LRFN5: variants seen among roughly 807,000 people sequenced by gnomAD.
LRFN5 encodes leucine rich repeat and fibronectin type III domain containing 5, also known as leucine-rich repeat and fibronectin type-III domain-containing protein 5.
In LRFN5, 24 loss-of-function variants were observed where a neutral mutation model predicts 45.6. The observed-to-expected ratio is 0.53, with a 90% CI of 0.38 to 0.74. The LOEUF is 0.74. Among genes scored for constraint, LRFN5 ranks in the 30% least tolerant of loss-of-function variants. The pLI is 0.00. For synonymous variants in LRFN5, 340 were observed against 313.8 expected, an observed-to-expected ratio of 1.08 and a Z score of -0.88; for missense variants, 776 against 861.5, an observed-to-expected ratio of 0.90 and a Z score of 1.24.
chr14:41,656,044 A>G (rs1880364192), intron 1 of LRFN5, among the ~76,000 whole-genome samples: 1 of 151,960 alleles, frequency 6.6e-6, no homozygotes, highest in Non-Finnish European at 1.5e-5. Context: ...ACTTAATGCC[A>G]TTTCCTTTCA....
chr14:41,681,797 T>TTAC (rs1881899758), intron 1 of LRFN5, among the ~76,000 whole-genome samples: 2 of 79,436 alleles, frequency 2.5e-5, no homozygotes, highest in South Asian at 1.2e-3. Flanking sequence ...TTTATTTTAT[T>TTAC]TTATTTATTT....
intron 2 of LRFN5, among the ~76,000 whole-genome samples, chr14:41,801,876 TG>T (rs1212497781): frequency 6.6e-6 from 1 of 151,964 alleles, no homozygotes; most frequent in Non-Finnish European, 1.5e-5. Context: ...ACATCCCAAG[TG>T]GGTCTTAAGG....
chr14:41,801,006 G>A (rs1293459083), intron 2 of LRFN5, among the ~76,000 whole-genome samples: 1 of 151,820 alleles, frequency 6.6e-6, no homozygotes, highest in East Asian at 1.9e-4. Context: ...CAAAATTAAT[G>A]GGACACTCTT....
chr14:41,789,014 A>G (rs1171976366), intron 2 of LRFN5, among the ~76,000 whole-genome samples: 1 of 151,954 alleles, frequency 6.6e-6, no homozygotes, highest in Non-Finnish European at 1.5e-5. Flanking sequence ...AAAAATACCT[A>G]ATTTCCTACT....
At chr14:41,850,208 G>A (rs972737220) in intron 2 of LRFN5, among the ~76,000 whole-genome samples, 1 of 151,838 alleles carries the variant, frequency 6.6e-6, no homozygotes, top group Non-Finnish European at 1.5e-5. Context: ...GTAACAAGTA[G>A]AATACACATA....
chr14:41,834,902 A>G (rs1326421750), intron 2 of LRFN5, among the ~76,000 whole-genome samples: 2 of 151,944 alleles, frequency 1.3e-5, no homozygotes, highest in African/African-American at 2.4e-5. Context: ...CGCTCAAGCA[A>G]TCCACCTACC....
At chr14:41,785,221 C>A (rs1487012881) in intron 2 of LRFN5, among the ~76,000 whole-genome samples, 1 of 151,980 alleles carries the variant, frequency 6.6e-6, no homozygotes, top group Non-Finnish European at 1.5e-5. Flanking sequence ...TTGATAATTT[C>A]TGCCTTTTAA....
intron 2 of LRFN5, among the ~76,000 whole-genome samples, chr14:41,781,487 TTAAG>T (rs1193121253): frequency 8.1e-6 from 1 of 123,296 alleles, no homozygotes; most frequent in African/African-American, 3.2e-5. Flanking sequence ...TCAAATAAAA[TTAAG>T]AAGGAAGGAA....
chr14:41,687,434 C>A (rs576073011), intron 1 of LRFN5, among the ~76,000 whole-genome samples: 2 of 152,192 alleles, frequency 1.3e-5, no homozygotes, highest in African/African-American at 2.4e-5. Context: ...TAATGCGATT[C>A]CTCAAGGATC....
chr14:41,875,080 C>A (rs1890143551), intron 2 of LRFN5, among the ~76,000 whole-genome samples: 1 of 152,180 alleles, frequency 6.6e-6, no homozygotes, highest in Non-Finnish European at 1.5e-5. Flanking sequence ...GAAAGTCAAA[C>A]AATATCAACA....
chr14:41,852,478 C>T (rs1201072017), intron 2 of LRFN5, among the ~76,000 whole-genome samples: 3 of 151,932 alleles, frequency 2.0e-5, no homozygotes, highest in East Asian at 3.9e-4. Flanking sequence ...TTTCCTTGAT[C>T]TAAAGAACAT....
At chr14:41,683,363 T>C (rs1881986763) in intron 1 of LRFN5, among the ~76,000 whole-genome samples, 1 of 152,156 alleles carries the variant, frequency 6.6e-6, no homozygotes, top group Non-Finnish European at 1.5e-5. Context: ...GCTAGTATCA[T>C]ACTGAGTGGG....
At chr14:41,658,810 T>C (rs1880495218) in intron 1 of LRFN5, among the ~76,000 whole-genome samples, 1 of 152,062 alleles carries the variant, frequency 6.6e-6, no homozygotes, top group South Asian at 2.1e-4. Context: ...GGTCAATATA[T>C]TTTAATATGT....
intron 2 of LRFN5, among the ~76,000 whole-genome samples, chr14:41,878,925 A>G (rs986186297): frequency 1.3e-5 from 2 of 152,136 alleles, no homozygotes; most frequent in Admixed American, 6.5e-5. Context: ...AATGAAAACT[A>G]TGCTTCTTTA....
chr14:41,758,960 G>A (rs754798524), intron 1 of LRFN5, among the ~76,000 whole-genome samples: 118 of 152,214 alleles, frequency 7.8e-4, no homozygotes, highest in Non-Finnish European at 1.3e-3. Context: ...AGTTAAAAAT[G>A]TAATTTGTTG....
intron 5 of LRFN5, among the ~76,000 whole-genome samples, chr14:41,900,420 G>T (rs940438934): frequency 2.0e-5 from 3 of 151,872 alleles, no homozygotes; most frequent in Non-Finnish European, 4.4e-5. Flanking sequence ...TGTACTAAGA[G>T]ATATAGCACA....
chr14:41,826,846 T>G (rs1368781470), intron 2 of LRFN5, among the ~76,000 whole-genome samples: 1 of 59,446 alleles, frequency 1.7e-5, no homozygotes, highest in Non-Finnish European at 4.0e-5. Context: ...TAAATGTTGT[T>G]TTAATAAGTA....
intron 2 of LRFN5, among the ~76,000 whole-genome samples, chr14:41,877,530 A>T (rs949245628): frequency 6.6e-6 from 1 of 152,020 alleles, no homozygotes; most frequent in African/African-American, 2.4e-5. Context: ...ATTATTTTTA[A>T]AATTATTTGT....
At chr14:41,773,971 C>T (rs1311783061) in intron 2 of LRFN5, among the ~76,000 whole-genome samples, 1 of 152,188 alleles carries the variant, frequency 6.6e-6, no homozygotes, top group East Asian at 1.9e-4. Flanking sequence ...ATAGAGGAGT[C>T]TCTGCTGTCT....
Sources: gnomAD v4.1 joint callset for allele counts (sites outside exome capture counted in the v4.1 genomes callset) on GRCh38, gnomAD v4.1.1 for gene constraint, MANE v1.5 for transcripts, NCBI Gene and HGNC (gene_info 2026-07-23, HGNC 2026-07-21) for gene names.